USP40: variants seen among roughly 807,000 people sequenced by gnomAD.
USP40 encodes the protein ubiquitin specific peptidase 40.
USP40 carries 143 observed loss-of-function variants against 166.2 expected under a neutral mutation model. The ratio of observed to expected loss-of-function variants is 0.86; its 90% confidence interval spans 0.75 to 0.99. The LOEUF (loss-of-function observed/expected upper bound fraction) is 0.99, where lower values mean the gene tolerates loss of function less well. Among genes scored for constraint, USP40 ranks in the 50% least tolerant of loss-of-function variants. The pLI, the probability that USP40 is intolerant of heterozygous loss-of-function variation, is 0.00. For missense variants in USP40, 1,444 were observed against 1,479.7 expected (o/e 0.98, Z 0.40); for synonymous variants, 498 against 524.0 (o/e 0.95, Z 0.68).
chr2:233,537,133 C>T (rs992552735), intron 10 of USP40, among the ~76,000 whole-genome samples: 2 of 152,156 alleles, frequency 1.3e-5, no homozygotes, highest in Non-Finnish European at 2.9e-5. Context: ...ATCCTCTTGC[C>T]TAGACCTCCC....
intron 19 of USP40, 69 bp from the exon 20 acceptor site, chr2:233,511,866 A>T: frequency 1.6e-6 from 2 of 1,250,210 alleles, no homozygotes; most frequent in Non-Finnish European, 2.2e-6. Flanking sequence ...TAAATGCTGA[A>T]ATCAGTATTT....
At chr2:233,531,657 T>C (rs1465275631) in intron 11 of USP40, among the ~76,000 whole-genome samples, 3 of 152,230 alleles carry the variant, frequency 2.0e-5, no homozygotes, top group African/African-American at 7.2e-5. Context: ...AGCATAGTTA[T>C]GTAACTGTTT....
At chr2:233,556,645 T>C (rs1472594275) in intron 5 of USP40, 2 of 352,130 alleles carry the variant, frequency 5.7e-6, no homozygotes. Flanking sequence ...GAATAAAAGA[T>C]TAAGTTTCAA....
At chr2:233,562,360 A>G (rs1310565000) in intron 3 of USP40, among the ~76,000 whole-genome samples, 1 of 150,368 alleles carries the variant, frequency 6.7e-6, no homozygotes, top group African/African-American at 2.5e-5. Context: ...TGTGGCACAT[A>G]TACACCATGG....
At chr2:233,488,327 A>T (rs562621895) in intron 27 of USP40, 23 bp from the exon 28 acceptor site, 1 of 1,554,952 alleles carries the variant, frequency 6.4e-7, no homozygotes, top group Non-Finnish European at 8.8e-7. Flanking sequence ...GAAACAAGAT[A>T]ATATTGAGTG....
chr2:233,499,166 C>A (rs900558629), intron 22 of USP40, among the ~76,000 whole-genome samples: 1 of 149,696 alleles, frequency 6.7e-6, no homozygotes, highest in Non-Finnish European at 1.5e-5. Context: ...CCCACCCCCC[C>A]ATACACCAAC....
At chr2:233,531,634 C>T (rs369492031) in intron 11 of USP40, among the ~76,000 whole-genome samples, 1 of 152,066 alleles carries the variant, frequency 6.6e-6, no homozygotes, top group African/African-American at 2.4e-5. Context: ...AATACAAAGC[C>T]TTTTTCATTA....
chr2:233,533,445 A>C, intron 11 of USP40, 34 bp downstream of exon 11: 1 of 1,582,690 alleles, frequency 6.3e-7, no homozygotes, highest in Non-Finnish European at 8.6e-7. Flanking sequence ...AAAGCCATTA[A>C]CTGAAACAAA....
At chr2:233,483,287 C>T (rs757880152) in intron 30 of USP40, among the ~76,000 whole-genome samples, 8 of 152,104 alleles carry the variant, frequency 5.3e-5, no homozygotes, top group Non-Finnish European at 1.2e-4. Flanking sequence ...CTCTCCTGTT[C>T]AAGACCAGCC....
rs756253816 is a variant in USP40 at position 233,499,958 on chromosome 2, A to C, written c.2614-43T>G. 4 of 1,585,986 alleles carry C rather than the reference A, an allele frequency of 2.5e-6. No individual in the cohort carries two copies. In the African/African-American group the frequency reaches 5.4e-5, roughly 21 times the overall value. Reference sequence around the variant, plus strand: ...GTCCAATGTTAGTTTTCTGTTTCTGAGTTACAGTTCTAGGACAAACACCCT... The same window carrying C: ...GTCCAATGTTAGTTTTCTGTTTCTGCGTTACAGTTCTAGGACAAACACCCT... On this transcript the variant is annotated intron_variant, in intron 21 of 31. Transcript: ENST00000678225.
chr2:233,511,134 T>C (rs2125157290), intron 20 of USP40, among the ~76,000 whole-genome samples: 1 of 152,268 alleles, frequency 6.6e-6, no homozygotes, highest in South Asian at 2.1e-4. Flanking sequence ...TTCTGCACTG[T>C]AATAAGCTGA....
intron 26 of USP40, among the ~76,000 whole-genome samples, chr2:233,490,608 C>A (rs1340165030): frequency 6.6e-6 from 1 of 152,230 alleles, no homozygotes; most frequent in Non-Finnish European, 1.5e-5. Context: ...TTCAGTCCAA[C>A]AGTAGGCGGA....
intron 31 of USP40, among the ~76,000 whole-genome samples, chr2:233,479,770 G>A (rs1181888571): frequency 6.6e-6 from 1 of 152,054 alleles, no homozygotes; most frequent in East Asian, 1.9e-4. Context: ...TGCGAATGGG[G>A]GTGAGGCCAG....
Position 233,512,609 on chromosome 2 carries a change from A to G in USP40, c.2397T>C (p.Cys799=), listed in dbSNP as rs752935622. ...TCCCATTTCTATCAATAGGTCTCAA[A>G]CAGCTGTTGTCAGCTATATATAAAA... is the stretch of plus-strand genomic sequence containing the variant. The part of the protein sequence containing the change: ...KLMKELADNS[C]LRPIDRNGKL... Residue 799 remains cysteine (C), a synonymous_variant, in exon 19 of 32, where the codon TGT becomes TGC. Coordinates refer to ENST00000678225, the MANE Select transcript of USP40 (RefSeq NM_001365479.2). The G allele has an allele frequency of 1.7e-5, 26 of 1,536,396 alleles. No homozygotes were observed. In the South Asian group the frequency reaches 3.0e-4, roughly 18 times the overall value.
At chr2:233,561,227 C>T (rs1234094757) in intron 3 of USP40, 1 of 1,550,588 alleles carries the variant, frequency 6.4e-7, no homozygotes, top group Non-Finnish European at 8.7e-7. Context: ...AAATAAAGTT[C>T]ATATGGAACC....
chr2:233,521,378 G>A (rs997326826), intron 16 of USP40, among the ~76,000 whole-genome samples: 1 of 152,110 alleles, frequency 6.6e-6, no homozygotes, highest in Non-Finnish European at 1.5e-5. Context: ...ACAGTTGCTG[G>A]CTTCTGCCTG....
chr2:233,506,397 C>T (rs945972624), intron 21 of USP40, among the ~76,000 whole-genome samples: 3 of 152,038 alleles, frequency 2.0e-5, no homozygotes, highest in Non-Finnish European at 4.4e-5. Context: ...AATGAAACTA[C>T]TAAAGGAAAA....
rs907591971 is a variant in USP40 at position 233,527,265 on chromosome 2, T to C, written c.1725+142A>G. The C allele has an allele frequency of 3.5e-5, 32 of 926,434 alleles. 1 individual carries two copies. The highest frequency in any genetic ancestry group is 2.3e-5 in the Non-Finnish European group (15 of 652,500). The allele number at this position is 926,434 out of a possible 1,614,324, so 57.4% of individuals were successfully genotyped here. ...AAAGACTTAGGAGAGAAGATTTGGG[T>C]CAACCCTCTATGAAGTGGCAGATGT... On this transcript the variant is annotated intron_variant, in intron 13 of 31. Transcript: ENST00000678225.
intron 20 of USP40, among the ~76,000 whole-genome samples, chr2:233,511,218 A>G (rs1181438743): frequency 6.6e-6 from 1 of 152,186 alleles, no homozygotes. Flanking sequence ...TGTTAAAGAC[A>G]AGGGGAAAGG....
Sources: gnomAD v4.1 joint callset for allele counts (sites outside exome capture counted in the v4.1 genomes callset) on GRCh38, gnomAD v4.1.1 for gene constraint, MANE v1.5 for transcripts, NCBI Gene and HGNC (gene_info 2026-07-23, HGNC 2026-07-21) for gene names.